Variants in SLC5A4 observed in about 807,000 individuals in gnomAD.
SLC5A4 encodes solute carrier family 5 member 4, also known as probable glucose sensor protein SLC5A4.
SLC5A4 carries 55 observed loss-of-function variants against 70.3 expected under a neutral mutation model. The ratio of observed to expected loss-of-function variants is 0.78; its 90% confidence interval spans 0.63 to 0.98. The LOEUF is 0.98. Among genes scored for constraint, SLC5A4 ranks in the 50% least tolerant of loss-of-function variants. The pLI is 0.00. For missense variants in SLC5A4, 735 were observed against 839.2 expected (o/e 0.88, Z 1.53); for synonymous variants, 268 against 305.7 (o/e 0.88, Z 1.29).
the SLC5A4 span, among the ~76,000 whole-genome samples, chr22:32,354,652 C>G: frequency 6.6e-6 from 1 of 152,012 alleles, no homozygotes; most frequent in South Asian, 2.1e-4. Flanking sequence ...AACCCACCCC[C>G]AGCCACGGGC....
chr22:32,246,129 TG>T (rs1330646342), intron 5 of SLC5A4, among the ~76,000 whole-genome samples: 1 of 152,256 alleles, frequency 6.6e-6, no homozygotes, highest in Non-Finnish European at 1.5e-5. Flanking sequence ...TATTGTCATA[TG>T]GGACTAATTG....
chr22:32,304,962 A>G, the SLC5A4 span, among the ~76,000 whole-genome samples: 1 of 152,068 alleles, frequency 6.6e-6, no homozygotes, highest in Admixed American at 6.6e-5. Context: ...TTGTTCCAGC[A>G]CCATTTCTTG....
rs1276372779 is a variant in SLC5A4, at chr22:32,224,291, T to C, written c.1641A>G (p.Leu547=). ...SMLVTLGISL[L]TKPIPDVHLY... ...CATGTACATCAGGAATGGGTTTTGT[T>C]AAGAGGGAAATTCCCAGGGTGACCA... The change falls in exon 13 of 15, where the codon TTA becomes TTG. Residue 547 remains leucine (L), a synonymous_variant. Coordinates refer to ENST00000266086, the MANE Select transcript of SLC5A4 (RefSeq NM_014227.3). 5.0e-6 allele frequency: 8 copies of C among 1,613,664 alleles called. No individual in the cohort carries two copies. Among genetic ancestry groups the C allele is most frequent in the Non-Finnish European group, 6.8e-6 (8 of 1,179,622 alleles).
the SLC5A4 span, chr22:32,354,997 GTT>G: frequency 6.6e-6 from 1 of 152,072 alleles, no homozygotes; most frequent in Non-Finnish European, 1.5e-5. Context: ...GAAGTGACTC[GTT>G]TTCTTTTTCC....
At chr22:32,254,251 G>A (rs1386405171) in intron 1 of SLC5A4, 38 bp from the exon 2 acceptor site, 1 of 1,514,606 alleles carries the variant, frequency 6.6e-7, no homozygotes, top group Non-Finnish European at 9.2e-7. Context: ...TCAAGCCCCA[G>A]CAAGTGCACC....
At chr22:32,279,369 G>T in the SLC5A4 span, among the ~76,000 whole-genome samples, 1 of 152,250 alleles carries the variant, frequency 6.6e-6, no homozygotes, top group Non-Finnish European at 1.5e-5. Flanking sequence ...CAGTAGGTAG[G>T]TTGACATCAA....
the SLC5A4 span, among the ~76,000 whole-genome samples, chr22:32,328,063 TCCCCAACACACACACCAGAGC>T: frequency 6.7e-6 from 1 of 148,746 alleles, no homozygotes; most frequent in African/African-American, 2.5e-5. Context: ...TTGGACGACG[TCCCCAACACACACACCAGAGC>T]CCCCAACACA....
the SLC5A4 span, among the ~76,000 whole-genome samples, chr22:32,293,971 T>A: frequency 6.6e-6 from 1 of 152,128 alleles, no homozygotes; most frequent in African/African-American, 2.4e-5. Flanking sequence ...TACTGTAGTT[T>A]GTAAGTCTAA....
At chr22:32,262,278 C>T in the SLC5A4 span, among the ~76,000 whole-genome samples, 1 of 152,202 alleles carries the variant, frequency 6.6e-6, no homozygotes, top group East Asian at 1.9e-4. Flanking sequence ...TACTAATTTA[C>T]ATTCCCATCA....
the SLC5A4 span, among the ~76,000 whole-genome samples, chr22:32,314,257 A>G: frequency 6.6e-6 from 1 of 152,080 alleles, no homozygotes; most frequent in Non-Finnish European, 1.5e-5. Context: ...ACACACCTCT[A>G]TCCAGCATAC....
chr22:32,307,778 C>T, the SLC5A4 span, among the ~76,000 whole-genome samples: 5 of 152,184 alleles, frequency 3.3e-5, no homozygotes, highest in Admixed American at 6.5e-5. Flanking sequence ...TGGCCCCAGC[C>T]CAGTGATGTA....
At chr22:32,323,664 G>A in the SLC5A4 span, among the ~76,000 whole-genome samples, 3 of 152,270 alleles carry the variant, frequency 2.0e-5, no homozygotes, top group African/African-American at 7.2e-5. Context: ...GAGGCTTGGA[G>A]AGGAGGTCCA....
At chr22:32,335,471 A>G in the SLC5A4 span, among the ~76,000 whole-genome samples, 98 of 152,310 alleles carry the variant, frequency 6.4e-4, no homozygotes, top group Non-Finnish European at 1.1e-3. Context: ...AGAAAAGAGG[A>G]TAGACTTTGG....
chr22:32,301,357 G>A, the SLC5A4 span, among the ~76,000 whole-genome samples: 19 of 152,284 alleles, frequency 1.2e-4, no homozygotes, highest in East Asian at 3.5e-3. Flanking sequence ...TTGCTATTCT[G>A]ATAGGTGTGT....
the SLC5A4 span, among the ~76,000 whole-genome samples, chr22:32,333,358 G>A: frequency 6.6e-6 from 1 of 152,170 alleles, no homozygotes; most frequent in South Asian, 2.1e-4. Flanking sequence ...GAGGTTTTGA[G>A]GAATGAGTAG....
chr22:32,305,235 T>A, the SLC5A4 span, among the ~76,000 whole-genome samples: 1 of 151,762 alleles, frequency 6.6e-6, no homozygotes, highest in Non-Finnish European at 1.5e-5. Context: ...GGGTTTCAGA[T>A]GTGATTTTAT....
chr22:32,285,582 T>A, the SLC5A4 span, among the ~76,000 whole-genome samples: 2 of 152,038 alleles, frequency 1.3e-5, no homozygotes, highest in African/African-American at 4.8e-5. Context: ...CTTCTATAGT[T>A]TCCGGGTATC....
the SLC5A4 span, among the ~76,000 whole-genome samples, chr22:32,336,657 A>G: frequency 0.3 from 45,322 of 152,190 alleles, 7,997 homozygotes; most frequent in East Asian, 0.49. Context: ...ATCTCCATCT[A>G]AACTCCAAAT....
chr22:32,235,242 T>C (rs1925995179), intron 7 of SLC5A4, 149 bp from the exon 8 acceptor site: 1 of 616,014 alleles, frequency 1.6e-6, no homozygotes, highest in African/African-American at 1.9e-5. Context: ...CATGTCTTTC[T>C]GGTACCTCCG....
Sources: gnomAD v4.1 joint callset for allele counts (sites outside exome capture counted in the v4.1 genomes callset) on GRCh38, gnomAD v4.1.1 for gene constraint, MANE v1.5 for transcripts, NCBI Gene and HGNC (gene_info 2026-07-23, HGNC 2026-07-21) for gene names.